Variants in GALNT13 observed in about 807,000 individuals in gnomAD.
The protein encoded by GALNT13 is polypeptide N-acetylgalactosaminyltransferase 13, also known as UDP-GalNAc:polypeptide N-acetylgalactosaminyltransferase 13.
A neutral mutation model predicts 64.2 loss-of-function variants in GALNT13; 28 were observed. The ratio of observed to expected loss-of-function variants is 0.44; its 90% CI spans 0.32 to 0.60. GALNT13 has a LOEUF of 0.60. GALNT13 is among the 20% of genes least tolerant of loss of function. The probability of loss-of-function intolerance (pLI) is 0.05; values close to 1 mark genes in which losing one functional copy is unlikely to be tolerated. For synonymous variants in GALNT13, 214 were observed against 224.6 expected (o/e 0.95, Z 0.42); for missense variants, 577 against 669.8 (o/e 0.86, Z 1.53).
intron 3 of GALNT13, among the ~76,000 whole-genome samples, chr2:154,062,005 AT>A (rs1011719998): frequency 5.9e-5 from 9 of 151,844 alleles, no homozygotes; most frequent in African/African-American, 1.7e-4. Flanking sequence ...TCATACTTTC[AT>A]TTTTTTTAAC....
intron 4 of GALNT13, among the ~76,000 whole-genome samples, chr2:154,150,909 T>C (rs1683969245): frequency 6.6e-6 from 1 of 152,070 alleles, no homozygotes; most frequent in South Asian, 2.1e-4. Context: ...TTTTGAAGGG[T>C]TTTTTGTGTC....
the GALNT13 span, among the ~76,000 whole-genome samples, chr2:153,579,951 A>G: frequency 3.3e-5 from 5 of 152,122 alleles, no homozygotes; most frequent in Admixed American, 3.3e-4. Context: ...AAGGTTGGGG[A>G]CCAGTGTCTT....
At chr2:154,405,165 A>C (rs1367428951) in intron 10 of GALNT13, among the ~76,000 whole-genome samples, 1 of 152,124 alleles carries the variant, frequency 6.6e-6, no homozygotes, top group African/African-American at 2.4e-5. Context: ...AATATAGAAA[A>C]GAACAACATA....
chr2:153,498,705 A>T, the GALNT13 span, among the ~76,000 whole-genome samples: 1 of 152,198 alleles, frequency 6.6e-6, no homozygotes. Context: ...TGGCTCGGGG[A>T]ACCCCTAGGT....
At chr2:153,966,006 T>C (rs943204217) in intron 3 of GALNT13, among the ~76,000 whole-genome samples, 2 of 152,116 alleles carry the variant, frequency 1.3e-5, no homozygotes, top group East Asian at 3.9e-4. Context: ...TATTCTGTAT[T>C]TTTTTGTGAA....
the GALNT13 span, among the ~76,000 whole-genome samples, chr2:153,785,786 T>C: frequency 2.6e-5 from 4 of 152,130 alleles, no homozygotes; most frequent in Admixed American, 2.6e-4. Context: ...GTGACAGAGC[T>C]CCCAGTGTGG....
chr2:153,620,376 G>A, the GALNT13 span, among the ~76,000 whole-genome samples: 13 of 151,908 alleles, frequency 8.6e-5, no homozygotes, highest in Non-Finnish European at 1.3e-4. Context: ...CACCCATCTC[G>A]GCCTCCCAAA....
chr2:154,215,676 CTCTT>C lies in GALNT13; in HGVS notation c.312-26347_312-26344del, dbSNP rs1398306398. On this transcript the variant is annotated intron_variant, in intron 4 of 12. Coordinates refer to ENST00000392825, the MANE Select transcript of GALNT13 (RefSeq NM_052917.4). The stretch of plus-strand genomic sequence containing the variant: ...TTATGAGACCCCATAGGATTTATTT[CTCTT>C]TCTTTCATTTAAACTTCCATAAAGA... Among the ~76,000 whole-genome samples the C allele has an allele frequency of 2.6e-5, 4 of 152,084 alleles. No individual in the cohort carries two copies. In the South Asian group the frequency reaches 6.2e-4, roughly 24 times the overall value.
the GALNT13 span, among the ~76,000 whole-genome samples, chr2:153,345,690 T>TC: frequency 4.1e-5 from 6 of 145,354 alleles, no homozygotes; most frequent in Non-Finnish European, 7.5e-5. Context: ...TTTCTTTCTT[T>TC]CTTTCTTTCT....
chr2:153,441,968 G>A, the GALNT13 span, among the ~76,000 whole-genome samples: 1 of 152,086 alleles, frequency 6.6e-6, no homozygotes, highest in African/African-American at 2.4e-5. Context: ...GCCCTGGTCA[G>A]AACCTCCAAT....
the GALNT13 span, among the ~76,000 whole-genome samples, chr2:153,756,531 G>T: frequency 6.6e-6 from 1 of 152,148 alleles, no homozygotes; most frequent in African/African-American, 2.4e-5. Flanking sequence ...GATTGAAACT[G>T]GATTTTTGCT....
At chr2:153,248,595 C>T in the GALNT13 span, among the ~76,000 whole-genome samples, 2 of 151,742 alleles carry the variant, frequency 1.3e-5, no homozygotes, top group African/African-American at 4.8e-5. Context: ...GGGCAGATCA[C>T]GAGGTCAGGA....
the GALNT13 span, among the ~76,000 whole-genome samples, chr2:153,726,963 A>C: frequency 5.9e-5 from 9 of 151,912 alleles, no homozygotes; most frequent in South Asian, 8.3e-4. Context: ...AAAACAAAAA[A>C]AAAACCACAC....
the GALNT13 span, among the ~76,000 whole-genome samples, chr2:153,299,022 C>T: frequency 1.3e-5 from 2 of 152,118 alleles, no homozygotes; most frequent in African/African-American, 2.4e-5. Context: ...GGAGCACAAA[C>T]GTAAGACATC....
chr2:154,064,454 C>A (rs1485454992), intron 3 of GALNT13, among the ~76,000 whole-genome samples: 1 of 152,110 alleles, frequency 6.6e-6, no homozygotes, highest in Non-Finnish European at 1.5e-5. Flanking sequence ...CAGCACAGCT[C>A]ACAGCTCTGA....
At chr2:153,373,461 C>A in the GALNT13 span, among the ~76,000 whole-genome samples, 1 of 152,098 alleles carries the variant, frequency 6.6e-6, no homozygotes, top group South Asian at 2.1e-4. Context: ...CCCAACCTGG[C>A]CTCAGTTGTT....
chr2:154,307,752 G>C (rs1297631497), intron 9 of GALNT13, among the ~76,000 whole-genome samples: 1 of 152,050 alleles, frequency 6.6e-6, no homozygotes, highest in Non-Finnish European at 1.5e-5. Flanking sequence ...ACAAGTAATT[G>C]AGCTGTTTCA....
At chr2:154,043,823 C>T (rs980024467) in intron 3 of GALNT13, among the ~76,000 whole-genome samples, 1 of 152,066 alleles carries the variant, frequency 6.6e-6, no homozygotes, top group Non-Finnish European at 1.5e-5. Context: ...CTAGGCTTGG[C>T]CAGGTGCAGT....
chr2:153,657,564 G>A, the GALNT13 span, among the ~76,000 whole-genome samples: 8 of 152,082 alleles, frequency 5.3e-5, no homozygotes, highest in South Asian at 8.3e-4. Flanking sequence ...TGGAAGGCAG[G>A]AGGGTAGAGT....
Sources: allele counts gnomAD v4.1 joint callset (sites outside exome capture counted in the v4.1 genomes callset), GRCh38; gene constraint gnomAD v4.1.1; transcripts MANE v1.5; gene names NCBI Gene and HGNC (gene_info 2026-07-23, HGNC 2026-07-21).